SCTR: variants seen among roughly 807,000 people sequenced by gnomAD.
The protein encoded by SCTR is secretin receptor.
In SCTR, 56 loss-of-function variants were observed where a neutral mutation model predicts 60.8. The ratio of observed to expected loss-of-function variants is 0.92; its 90% CI spans 0.74 to 1.15. The LOEUF (loss-of-function observed/expected upper bound fraction) is 1.15. SCTR is among the 50% of genes most tolerant of loss of function. The pLI, the probability that SCTR is intolerant of heterozygous loss-of-function variation, is 0.00. For synonymous variants in SCTR, 202 were observed against 217.0 expected (o/e 0.93, Z 0.61); for missense variants, 562 against 550.4 (o/e 1.02, Z -0.21).
intron 2 of SCTR, among the ~76,000 whole-genome samples, chr2:119,492,262 G>T (rs1678158916): frequency 6.6e-6 from 1 of 152,190 alleles, no homozygotes; most frequent in African/African-American, 2.4e-5. Context: ...TTTGTAATAT[G>T]CAACAAATAA....
At chr2:119,522,650 T>A (rs1348484191) in intron 1 of SCTR, among the ~76,000 whole-genome samples, 1 of 152,230 alleles carries the variant, frequency 6.6e-6, no homozygotes, top group Non-Finnish European at 1.5e-5. Context: ...AAATGTAGGC[T>A]GAACCTCAGT....
At chr2:119,457,210 G>A (rs796656468) in intron 7 of SCTR, among the ~76,000 whole-genome samples, 14 of 151,894 alleles carry the variant, frequency 9.2e-5, no homozygotes, top group Admixed American at 2.0e-4. Context: ...TGAGAGAATT[G>A]ATGCTGGCAA....
intron 7 of SCTR, among the ~76,000 whole-genome samples, chr2:119,457,869 C>T (rs768945516): frequency 6.6e-6 from 1 of 152,172 alleles, no homozygotes; most frequent in Admixed American, 6.5e-5. Flanking sequence ...AAGGCATTAA[C>T]TCTGGAGGCT....
intron 3 of SCTR, chr2:119,476,891 C>A (rs1003889760): frequency 6.6e-6 from 1 of 152,188 alleles, no homozygotes; most frequent in Non-Finnish European, 1.5e-5. Context: ...CTGGACTAAT[C>A]TCCTGTGTCC....
intron 1 of SCTR, among the ~76,000 whole-genome samples, chr2:119,509,184 T>G (rs1678854359): frequency 6.6e-6 from 1 of 152,198 alleles, no homozygotes; most frequent in African/African-American, 2.4e-5. Context: ...TTGCTCATCT[T>G]AGAATGAATG....
intron 4 of SCTR, among the ~76,000 whole-genome samples, chr2:119,473,053 G>T (rs921780912): frequency 2.0e-5 from 3 of 152,202 alleles, no homozygotes; most frequent in African/African-American, 7.2e-5. Context: ...CCCAGATGAA[G>T]AAAGTGAGGC....
chr2:119,519,810 C>CAAAAAAAA (rs71396064), intron 1 of SCTR, among the ~76,000 whole-genome samples: 17 of 58,180 alleles, frequency 2.9e-4, no homozygotes, highest in Non-Finnish European at 3.3e-4. Context: ...GACTCTGTCT[C>CAAAAAAAA]AAAAAAAAAA....
intron 2 of SCTR, among the ~76,000 whole-genome samples, chr2:119,492,946 C>T (rs185615759): frequency 6.6e-6 from 1 of 152,124 alleles, no homozygotes; most frequent in African/African-American, 2.4e-5. Context: ...CAGCCTCTAC[C>T]TCCCGTGCTC....
chr2:119,509,783 G>C (rs1196644464), intron 1 of SCTR, among the ~76,000 whole-genome samples: 1 of 151,908 alleles, frequency 6.6e-6, no homozygotes, highest in Non-Finnish European at 1.5e-5. Context: ...CAGAAGCTCT[G>C]AACTCATCAT....
intron 1 of SCTR, among the ~76,000 whole-genome samples, chr2:119,506,845 C>A (rs746887618): frequency 6.6e-6 from 1 of 151,980 alleles, no homozygotes; most frequent in African/African-American, 2.4e-5. Flanking sequence ...GAGTTAAGGA[C>A]GGGGTGAGAA....
chr2:119,518,970 T>TC (rs1382771408), intron 1 of SCTR, among the ~76,000 whole-genome samples: 3 of 151,674 alleles, frequency 2.0e-5, no homozygotes, highest in African/African-American at 7.3e-5. Context: ...GCAGGTGGAC[T>TC]CCCCCTTTTT....
rs368643532 is a variant in SCTR at position 119,473,556 on chromosome 2, C to T, written c.302G>A (p.Gly101Asp). Residue 101 changes from glycine to aspartate, a missense_variant and splice_region_variant, in exon 4 of 13, where the codon GGT becomes GAT. Gly to Asp is a moderately conservative substitution (Grantham distance 94). Transcript: ENST00000019103. ...RFLRMLTSRN[G>D]SLFRNCTQDG... ...CTGTGTGCAGTTTCGGAACAAGGAA[C>T]CTGTGGGTGCCAAGAGTCCTGTAGG... 1 of 1,608,340 alleles carries T rather than the reference C, an allele frequency of 6.2e-7. No homozygotes were observed. Among genetic ancestry groups the T allele is most frequent in the African/African-American group, 1.3e-5 (1 of 74,766 alleles).
At chr2:119,479,089 C>A (rs1360453452) in intron 2 of SCTR, 171 bp from the exon 3 acceptor site, 2 of 1,439,146 alleles carry the variant, frequency 1.4e-6, no homozygotes, top group Non-Finnish European at 1.8e-6. Flanking sequence ...GTCTAATGCA[C>A]CCTTGGACTC....
intron 9 of SCTR, among the ~76,000 whole-genome samples, chr2:119,451,576 A>T (rs1003646254): frequency 1.3e-5 from 2 of 151,938 alleles, no homozygotes; most frequent in Non-Finnish European, 2.9e-5. Context: ...CCATGACCCC[A>T]CTGAGCTTCC....
At chr2:119,497,757 T>G (rs962461641) in intron 1 of SCTR, among the ~76,000 whole-genome samples, 6 of 151,772 alleles carry the variant, frequency 4.0e-5, no homozygotes, top group African/African-American at 1.5e-4. Flanking sequence ...ATGATGGTGA[T>G]GGAAGGAAGG....
In SCTR at chr2:119,444,160, TATACACATATGTATATATACATATGA is replaced by T. The variant is rs1199403755; in HGVS notation, c.1140+2573_1141-2562del. On this transcript the variant is annotated intron_variant, in intron 11 of 12. Transcript: ENST00000019103. ...ATATATATACATATTCTTATATATA[TATACACATATGTATATATACATATGA>T]ATATATACACATATGTATATATACA... 9.9e-3 allele frequency among the ~76,000 whole-genome samples: 1,403 copies of T among 142,000 alleles called. 18 individuals carry two copies. The highest frequency in any genetic ancestry group is 0.036 in the African/African-American group (1,268 of 35,434). The allele number at this position is 142,000 out of a possible 152,430, so 93.2% of individuals were successfully genotyped here.
At chr2:119,473,987 A>G (rs537358846) in intron 3 of SCTR, among the ~76,000 whole-genome samples, 85 of 152,278 alleles carry the variant, frequency 5.6e-4, no homozygotes, top group African/African-American at 2.0e-3. Context: ...CTGCTCACTC[A>G]GCCATTTGAA....
chr2:119,466,448 A>G (rs144103484), intron 4 of SCTR, among the ~76,000 whole-genome samples: 1 of 152,248 alleles, frequency 6.6e-6, no homozygotes, highest in East Asian at 1.9e-4. Flanking sequence ...CATTTTCTCT[A>G]TGTCAAATAT....
chr2:119,450,017 AAGGAAGGC>A (rs1315891152), intron 9 of SCTR, among the ~76,000 whole-genome samples: 2 of 148,200 alleles, frequency 1.3e-5, no homozygotes, highest in African/African-American at 5.0e-5. Context: ...GGAGGGAGGG[AAGGAAGGC>A]AGGAAGGAAG....
Sources: gnomAD v4.1 joint callset for allele counts (sites outside exome capture counted in the v4.1 genomes callset) on GRCh38, gnomAD v4.1.1 for gene constraint, MANE v1.5 for transcripts, NCBI Gene and HGNC (gene_info 2026-07-23, HGNC 2026-07-21) for gene names.